QRICH1: variants seen among roughly 807,000 people sequenced by gnomAD.
QRICH1 encodes glutamine rich 1.
In QRICH1, 16 loss-of-function variants were observed where a neutral mutation model predicts 87.1. That is an observed-to-expected ratio of 0.18 (90% CI 0.12 to 0.28). The LOEUF (loss-of-function observed/expected upper bound fraction) is 0.28. QRICH1 is among the 10% of genes least tolerant of loss of function. The pLI, the probability that QRICH1 is intolerant of heterozygous loss-of-function variation, is 1.00. For synonymous variants in QRICH1, 367 were observed against 368.4 expected, an observed-to-expected ratio of 1.00 and a Z score of 0.05; for missense variants, 647 against 951.7, an observed-to-expected ratio of 0.68 and a Z score of 4.21.
At chr3:49,078,665 G>A (rs2041999500) in intron 1 of QRICH1, among the ~76,000 whole-genome samples, 1 of 144,048 alleles carries the variant, frequency 6.9e-6, no homozygotes, top group Admixed American at 7.1e-5. Context: ...AAAGTGCTGA[G>A]ATTACAGGCG....
At chr3:49,060,264 G>C (rs1245776255) in intron 2 of QRICH1, among the ~76,000 whole-genome samples, 1 of 151,958 alleles carries the variant, frequency 6.6e-6, no homozygotes, top group Non-Finnish European at 1.5e-5. Context: ...TGTGATCTCA[G>C]CTCACTGCAA....
rs2093411882 is a variant in QRICH1, at chr3:49,057,796, A to G, written c.404T>C (p.Val135Ala). ...TGCCTGGCCTTGGATCTGCACCTGGACCTGGATGGGTTGCTCAGTAGGCTG... is the reference window on the plus strand; with the variant it reads ...TGCCTGGCCTTGGATCTGCACCTGGGCCTGGATGGGTTGCTCAGTAGGCTG... ...VHQPTEQPIQ[V>A]QVQIQGQAPQ... Residue 135 changes from valine to alanine, a missense_variant, in exon 3 of 10, where the codon GTC becomes GCC. Physicochemically the swap from Val to Ala is moderately conservative, Grantham distance 64 (BLOSUM62 0). Around this residue, in one of 7 missense-constraint regions of QRICH1, gnomAD observed 156 missense variants for 164.5 expected, o/e 0.95. Transcript: ENST00000395443. The surrounding 1 kb of genome is among the most constrained non-coding windows in gnomAD (Gnocchi z 5.4). The G allele has an allele frequency of 6.2e-7, 1 of 1,613,960 alleles. No individual in the cohort carries two copies. Among genetic ancestry groups the G allele is most frequent in the Non-Finnish European group, 8.5e-7 (1 of 1,180,010 alleles).
chr3:49,079,391 G>T (rs948933037), intron 1 of QRICH1, among the ~76,000 whole-genome samples: 16 of 146,562 alleles, frequency 1.1e-4, no homozygotes, highest in South Asian at 4.3e-4. Flanking sequence ...TCTGTTAAAA[G>T]AAATAAATAA....
chr3:49,090,904 T>A (rs533658288), intron 1 of QRICH1, among the ~76,000 whole-genome samples: 1 of 152,246 alleles, frequency 6.6e-6, no homozygotes, highest in East Asian at 1.9e-4. Context: ...TGGAACAAAA[T>A]GCAGTACAAC....
chr3:49,032,226 A>G lies in QRICH1; in HGVS notation c.2095T>C (p.Leu699=), dbSNP rs1559921759. The change falls in exon 9 of 10, where the codon TTG becomes CTG. Residue 699 remains leucine (L), a synonymous_variant. Coordinates refer to ENST00000395443, the MANE Select transcript of QRICH1 (RefSeq NM_198880.3). ...TCATAGAGCTTGATGGGACATCTCAATGGATTCTCTGGATTTTCCGTCTGT... is the reference window on the plus strand; with the variant it reads ...TCATAGAGCTTGATGGGACATCTCAGTGGATTCTCTGGATTTTCCGTCTGT... The part of the protein sequence containing the change: ...AEQTENPENP[L]RCPIKLYDFY... 2 of 1,614,010 alleles carry G rather than the reference A, an allele frequency of 1.2e-6. No homozygotes were observed.
At chr3:49,075,433 C>G (rs1040287127) in intron 2 of QRICH1, among the ~76,000 whole-genome samples, 4 of 151,790 alleles carry the variant, frequency 2.6e-5, no homozygotes, top group South Asian at 4.2e-4. Context: ...AAGTTCGAGA[C>G]CAGCCTGGCC....
At chr3:49,085,084 A>C (rs1352462369) in intron 1 of QRICH1, among the ~76,000 whole-genome samples, 1 of 152,038 alleles carries the variant, frequency 6.6e-6, no homozygotes, top group Admixed American at 6.6e-5. Context: ...TGGAGCTTGC[A>C]GTGAGCCAAG....
At chr3:49,073,331 A>T (rs910582894) in intron 2 of QRICH1, among the ~76,000 whole-genome samples, 2 of 152,126 alleles carry the variant, frequency 1.3e-5, no homozygotes, top group Non-Finnish European at 2.9e-5. Flanking sequence ...ACCTGAGATC[A>T]GAAGTTCAAG....
In QRICH1 at chr3:49,057,773, C is replaced by G; in HGVS notation, c.427G>C (p.Ala143Pro). 2 of 1,614,132 alleles carry G rather than the reference C, an allele frequency of 1.2e-6. No homozygotes were observed. Among genetic ancestry groups the G allele is most frequent in the African/African-American group, 2.7e-5 (2 of 75,018 alleles). The change falls in exon 3 of 10, where the codon GCA becomes CCA. Residue 143 changes from alanine (A) to proline (P), a missense_variant. Coordinates refer to ENST00000395443, the MANE Select transcript of QRICH1 (RefSeq NM_198880.3). This position sits in a 1 kb window ranked among gnomAD's most constrained non-coding sequence, Gnocchi z 5.4. ...IQVQVQIQGQAPQSAAPSIQT... is the reference protein window; with the variant it reads ...IQVQVQIQGQPPQSAAPSIQT... ...ATGGAGGGGGCTGCTGACTGTGGTGCCTGGCCTTGGATCTGCACCTGGACC... is the reference window on the plus strand; with the variant it reads ...ATGGAGGGGGCTGCTGACTGTGGTGGCTGGCCTTGGATCTGCACCTGGACC...
In QRICH1 at chr3:49,057,225, C is replaced by T. The variant is rs1034690235; in HGVS notation, c.975G>A (p.Gln325=). ...GGGGAATGGCAATGTGGGTAATGCT[C>T]TGCTGCTGAGGGTCCCCCCGGGGCT... ...SAQPRGDPQQ[Q]SITHIAIPQE... Residue 325 remains glutamine, a synonymous_variant, in exon 3 of 10, where the codon CAG becomes CAA. Transcript: ENST00000395443. This position sits in a 1 kb window ranked among gnomAD's most constrained non-coding sequence, Gnocchi z 5.4. 1.2e-6 allele frequency: 2 copies of T among 1,614,076 alleles called. No individual in the cohort carries two copies. The highest frequency in any genetic ancestry group is 1.7e-6 in the Non-Finnish European group (2 of 1,180,042).
chr3:49,046,918 C>T, intron 4 of QRICH1, 151 bp downstream of exon 4: 2 of 981,614 alleles, frequency 2.0e-6, no homozygotes, highest in Non-Finnish European at 3.0e-6. Context: ...GTCAGTACTG[C>T]TTGTTACTAG....
chr3:49,070,039 T>A (rs2093492132), intron 2 of QRICH1, among the ~76,000 whole-genome samples: 3 of 142,136 alleles, frequency 2.1e-5, no homozygotes, highest in South Asian at 4.4e-4. Context: ...TGTCACCAAA[T>A]TTTTTTTTTT....
Position 49,044,469 on chromosome 3 carries a change from G to A in QRICH1, c.1707C>T (p.Phe569=), listed in dbSNP as rs756936384. 1 of 1,613,482 alleles carries A rather than the reference G, an allele frequency of 6.2e-7. No homozygotes were observed. Among genetic ancestry groups the A allele is most frequent in the South Asian group, 1.1e-5 (1 of 91,000 alleles). Residue 569 remains phenylalanine (F), a synonymous_variant, in exon 6 of 10, where the codon TTC becomes TTT. Coordinates refer to ENST00000395443, the MANE Select transcript of QRICH1 (RefSeq NM_198880.3). ...LFENGRVDDI[F]SDLYYVRFTE... ...TGAACCGAACATAATAAAGATCGGAGAAAATGTCATCTACCCTTCCATTTT... is the reference window on the plus strand; with the variant it reads ...TGAACCGAACATAATAAAGATCGGAAAAAATGTCATCTACCCTTCCATTTT...
chr3:49,052,155 G>C (rs2093374703), intron 3 of QRICH1, among the ~76,000 whole-genome samples: 1 of 152,134 alleles, frequency 6.6e-6, no homozygotes, highest in African/African-American at 2.4e-5. Context: ...TGATATAAGA[G>C]ATTTTGAGAG....
intron 2 of QRICH1, among the ~76,000 whole-genome samples, chr3:49,072,315 A>T (rs1212833030): frequency 6.6e-6 from 1 of 151,992 alleles, no homozygotes; most frequent in African/African-American, 2.4e-5. Context: ...AAGATAAAAA[A>T]TGAGTAAATC....
intron 1 of QRICH1, 139 bp downstream of exon 1, chr3:49,093,773 T>G: frequency 3.0e-6 from 1 of 331,216 alleles, no homozygotes. Flanking sequence ...CCAGGAACGT[T>G]TTCGGCTCCG....
At chr3:49,059,301 C>T (rs978752485) in intron 2 of QRICH1, among the ~76,000 whole-genome samples, 2 of 151,644 alleles carry the variant, frequency 1.3e-5, no homozygotes, top group African/African-American at 4.8e-5. Context: ...GCTCTGTTGC[C>T]CAGGTTAGAG....
At chr3:49,034,456 G>A in intron 6 of QRICH1, among the ~76,000 whole-genome samples, 1 of 150,262 alleles carries the variant, frequency 6.7e-6, no homozygotes, top group East Asian at 1.9e-4. Flanking sequence ...AAAAAAAAAA[G>A]GGAAAAAAAA....
At chr3:49,038,384 C>T (rs1343868348) in intron 6 of QRICH1, among the ~76,000 whole-genome samples, 1 of 151,568 alleles carries the variant, frequency 6.6e-6, no homozygotes, top group Non-Finnish European at 1.5e-5. Context: ...ATTTTAATTA[C>T]ATTATGGATT....
Sources: gnomAD v4.1 joint callset for allele counts (sites outside exome capture counted in the v4.1 genomes callset) on GRCh38, gnomAD v4.1.1 for gene constraint, gnomAD v4.1.1 regional missense constraint, Gnocchi (gnomAD v3.1) non-coding constraint, MANE v1.5 for transcripts, NCBI Gene and HGNC (gene_info 2026-07-23, HGNC 2026-07-21) for gene names.